ELAVL3: variants seen among roughly 807,000 people sequenced by gnomAD.
ELAVL3 encodes ELAV like RNA binding protein 3.
ELAVL3 carries 8 observed loss-of-function variants against 34.2 expected under a neutral mutation model. The observed-to-expected ratio is 0.23, with a 90% CI of 0.14 to 0.42. ELAVL3 has a LOEUF of 0.42. Ranked by LOEUF, ELAVL3 falls within the 10% of genes least tolerant of loss-of-function variation. The pLI, the probability that ELAVL3 is intolerant of heterozygous loss-of-function variation, is 1.00. For missense variants in ELAVL3, 273 were observed against 518.8 expected (o/e 0.53, Z 4.60); for synonymous variants, 209 against 222.1 (o/e 0.94, Z 0.53).
At position 11,458,989 on chromosome 19, in the gene ELAVL3, C is replaced by T. The variant is rs148842902; in HGVS notation, c.334-378G>A. ...TAAAGACAGGATCTCACTTTTTTAC[C>T]CAGGCTGGAATGCAATGGTGTGATC... On this transcript the variant is annotated intron_variant, in intron 3 of 6. Transcript: ENST00000359227. The surrounding 1 kb of genome is among the most constrained non-coding windows in gnomAD (Gnocchi z 7.3). Among the ~76,000 whole-genome samples, 86 of 151,910 alleles carry T rather than the reference C, an allele frequency of 5.7e-4. No homozygotes were observed. Among genetic ancestry groups the T allele is most frequent in the African/African-American group, 2.0e-3 (82 of 41,428 alleles).
intron 3 of ELAVL3, among the ~76,000 whole-genome samples, chr19:11,464,968 A>G (rs1971001297): frequency 8.2e-6 from 1 of 121,354 alleles, no homozygotes; most frequent in African/African-American, 3.3e-5. Context: ...CACGCACCAG[A>G]CACACACATA....
intron 3 of ELAVL3, among the ~76,000 whole-genome samples, chr19:11,460,615 T>G (rs941836584): frequency 6.6e-6 from 1 of 151,892 alleles, no homozygotes; most frequent in Non-Finnish European, 1.5e-5. Context: ...TGTCTCAGCC[T>G]CAGGGCCCTG....
In ELAVL3 at chr19:11,454,302, G is replaced by T. The variant is rs766524991; in HGVS notation, c.*224C>A. On this transcript the variant is annotated 3_prime_UTR_variant, in exon 7 of 7. Coordinates refer to ENST00000359227, the MANE Select transcript of ELAVL3 (RefSeq NM_001420.4). This position sits in a 1 kb window ranked among gnomAD's most constrained non-coding sequence, Gnocchi z 9.2. ...GTGAACAGCCCAGCCTGGGGTGGGG[G>T]CAGGAGGATGGGGCGGGGGATCCCC... The T allele has an allele frequency of 3.6e-6, 2 of 558,434 alleles. No homozygotes were observed. Among genetic ancestry groups the T allele is most frequent in the Non-Finnish European group, 6.4e-6 (2 of 314,456 alleles). The allele number at this position is 558,434 out of a possible 1,614,324, so 34.6% of individuals were successfully genotyped here. A position where few individuals can be genotyped will look rare whatever the true frequency, so the allele number is the denominator to read the frequency against.
intron 1 of ELAVL3, among the ~76,000 whole-genome samples, chr19:11,474,010 C>T (rs569546944): frequency 1.3e-5 from 2 of 152,240 alleles, no homozygotes; most frequent in African/African-American, 2.4e-5. Flanking sequence ...ATCCATCATC[C>T]GTACCTCATA....
At chr19:11,474,584 G>A (rs1171495280) in intron 1 of ELAVL3, among the ~76,000 whole-genome samples, 3 of 151,208 alleles carry the variant, frequency 2.0e-5, no homozygotes, top group African/African-American at 7.3e-5. Context: ...CTGGGTGACA[G>A]AGTGAGACTC....
chr19:11,457,331 G>A (rs1387162186), intron 5 of ELAVL3, among the ~76,000 whole-genome samples, 183 bp from the exon 6 acceptor site: 6 of 148,478 alleles, frequency 4.0e-5, no homozygotes, highest in South Asian at 2.3e-4. Context: ...CTCAGGCACC[G>A]CCTCTCGCCT....
chr19:11,455,580 C>G (rs1475252617), intron 6 of ELAVL3, among the ~76,000 whole-genome samples: 1 of 152,024 alleles, frequency 6.6e-6, no homozygotes, highest in Non-Finnish European at 1.5e-5. Flanking sequence ...AGCCACCGCA[C>G]CCAGCCATGC....
In ELAVL3 at chr19:11,466,342, G is replaced by A; in HGVS notation, c.230-67C>T. On this transcript the variant is annotated intron_variant, in intron 2 of 6. Coordinates refer to ENST00000359227, the MANE Select transcript of ELAVL3 (RefSeq NM_001420.4). The surrounding 1 kb of genome is among the most constrained non-coding windows in gnomAD (Gnocchi z 5.0). Reference sequence around the variant, plus strand: ...GACACCTGCCAGTGTCCCACCTCAGGCCTGAGAGACTGTCCCCTCCCCACC... The same window carrying A: ...GACACCTGCCAGTGTCCCACCTCAGACCTGAGAGACTGTCCCCTCCCCACC... 6.9e-7 allele frequency: 1 copy of A among 1,456,744 alleles called. No individual in the cohort carries two copies. The highest frequency in any genetic ancestry group is 2.3e-5 in the East Asian group (1 of 44,068). 90.2% of individuals were successfully genotyped at this position (1,456,744 alleles called of 1,614,324 possible). A position where few individuals can be genotyped will look rare whatever the true frequency, so the allele number is the denominator to read the frequency against.
Position 11,462,130 on chromosome 19 carries a change from G to A in ELAVL3, c.334-3519C>T, listed in dbSNP as rs371135275. 1.2e-4 allele frequency among the ~76,000 whole-genome samples: 17 copies of A among 142,592 alleles called. No homozygotes were observed. The East Asian group carries it at 1.2e-3, about 10-fold the overall frequency. 93.5% of individuals were successfully genotyped at this position (142,592 alleles called of 152,430 possible). A position where few individuals can be genotyped will look rare whatever the true frequency, so the allele number is the denominator to read the frequency against. Reference sequence around the variant, plus strand: ...GCGGAGCTTGCAGTGAGCCGAGATCGCGCCACTGCACTCCAGCCTGGGCAA... The same window carrying A: ...GCGGAGCTTGCAGTGAGCCGAGATCACGCCACTGCACTCCAGCCTGGGCAA... On this transcript the variant is annotated intron_variant, in intron 3 of 6. Transcript: ENST00000359227.
In ELAVL3 at chr19:11,480,312, C is replaced by G. The variant is rs1207361044; in HGVS notation, c.9+288G>C. On this transcript the variant is annotated intron_variant, in intron 1 of 6. Transcript: ENST00000359227. The surrounding 1 kb of genome is among the most constrained non-coding windows in gnomAD (Gnocchi z 6.8). ...ATCCTTAGCCGCCGCGGCCCCTCCC[C>G]CATCAGGCCTGCTGGAGAGGGGGCA... is the stretch of plus-strand genomic sequence containing the variant. The G allele has an allele frequency of 5.3e-6, 2 of 376,468 alleles. No individual in the cohort carries two copies. Among genetic ancestry groups the G allele is most frequent in the Non-Finnish European group, 9.5e-6 (2 of 211,438 alleles). The allele number at this position is 376,468 out of a possible 1,614,324, so 23.3% of individuals were successfully genotyped here.
At chr19:11,470,089 TCAAGCCTGTAATCC>T (rs1971133689) in intron 1 of ELAVL3, among the ~76,000 whole-genome samples, 1 of 152,056 alleles carries the variant, frequency 6.6e-6, no homozygotes, top group African/African-American at 2.4e-5. Flanking sequence ...GGGCAGTGGC[TCAAGCCTGTAATCC>T]CAGCAGTTTG....
rs62000391 is a variant in ELAVL3 at position 11,466,783 on chromosome 19, G to C, written c.54C>G (p.Ala18=). Residue 18 remains alanine (A), a synonymous_variant, in exon 2 of 7, where the codon GCC becomes GCG. Transcript: ENST00000359227. This position sits in a 1 kb window ranked among gnomAD's most constrained non-coding sequence, Gnocchi z 5.0. ...GTGGCCCGTTGGGCAGGGCCGGGCC[G>C]GCCGGGCCCCCCCCCACCTGAGACT... is the stretch of plus-strand genomic sequence containing the variant. ...AMESQVGGGP[A]GPALPNGPLL... 6.2e-7 allele frequency: 1 copy of C among 1,613,144 alleles called. No homozygotes were observed. The highest frequency in any genetic ancestry group is 1.3e-5 in the African/African-American group (1 of 74,892).
chr19:11,466,538 C>T lies in ELAVL3; in HGVS notation c.229+70G>A. The T allele has an allele frequency of 6.4e-7, 1 of 1,560,740 alleles. No homozygotes were observed. The highest frequency in any genetic ancestry group is 8.8e-7 in the Non-Finnish European group (1 of 1,138,802). On this transcript the variant is annotated intron_variant, in intron 2 of 6. Transcript: ENST00000359227. The surrounding 1 kb of genome is among the most constrained non-coding windows in gnomAD (Gnocchi z 5.0). ...CCGAGACACCTCAGCAAGGGTCCCA[C>T]CTGCCCCCATCACCTCTGTATTTCT...
At chr19:11,472,612 G>A (rs1268513293) in intron 1 of ELAVL3, among the ~76,000 whole-genome samples, 1 of 146,200 alleles carries the variant, frequency 6.8e-6, no homozygotes, top group Non-Finnish European at 1.5e-5. Flanking sequence ...GAGACAGGAG[G>A]ATCACTTGAG....
In ELAVL3 at chr19:11,480,712, C is replaced by T. The variant is rs1971361926; in HGVS notation, c.-104G>A. 8.6e-7 allele frequency: 1 copy of T among 1,168,778 alleles called. No individual in the cohort carries two copies. Among genetic ancestry groups the T allele is most frequent in the Non-Finnish European group, 1.1e-6 (1 of 884,488 alleles). 72.4% of individuals were successfully genotyped at this position (1,168,778 alleles called of 1,614,324 possible). ...CACGCTGGGGTCCCGCCCGGGCGGCCTCTGGTGCGGCCGCTGCAGATGTGG... is the reference window on the plus strand; with the variant it reads ...CACGCTGGGGTCCCGCCCGGGCGGCTTCTGGTGCGGCCGCTGCAGATGTGG... On this transcript the variant is annotated 5_prime_UTR_variant, in exon 1 of 7. Transcript: ENST00000359227. This position sits in a 1 kb window ranked among gnomAD's most constrained non-coding sequence, Gnocchi z 6.8.
intron 1 of ELAVL3, among the ~76,000 whole-genome samples, chr19:11,474,823 CTATTT>C (rs541637093): frequency 6.6e-5 from 10 of 152,098 alleles, no homozygotes; most frequent in African/African-American, 1.9e-4. Flanking sequence ...GGCAATACTG[CTATTT>C]TATTTTATTT....
intron 3 of ELAVL3, among the ~76,000 whole-genome samples, chr19:11,464,952 C>G (rs1360933004): frequency 8.3e-6 from 1 of 120,424 alleles, no homozygotes; most frequent in Non-Finnish European, 1.7e-5. Context: ...CCACACACAC[C>G]ACACACACGC....
At chr19:11,472,633 G>A (rs570222730) in intron 1 of ELAVL3, among the ~76,000 whole-genome samples, 2 of 152,072 alleles carry the variant, frequency 1.3e-5, no homozygotes, top group Non-Finnish European at 2.9e-5. Context: ...CCCAGGAGGT[G>A]GAGGTTGCAG....
Position 11,467,764 on chromosome 19 carries a change from G to A in ELAVL3, c.10-937C>T, listed in dbSNP as rs181648689. 7.3e-5 allele frequency among the ~76,000 whole-genome samples: 11 copies of A among 151,324 alleles called. No individual in the cohort carries two copies. The East Asian group carries it at 2.0e-3, about 27-fold the overall frequency. ...CTCCCAATGTGCTGGGATTACAGGCGTGAACCACCGCGTCTGGCCCCATTT... is the reference window on the plus strand; with the variant it reads ...CTCCCAATGTGCTGGGATTACAGGCATGAACCACCGCGTCTGGCCCCATTT... On this transcript the variant is annotated intron_variant, in intron 1 of 6. Coordinates refer to ENST00000359227, the MANE Select transcript of ELAVL3 (RefSeq NM_001420.4).
Sources: gnomAD v4.1 joint callset for allele counts (sites outside exome capture counted in the v4.1 genomes callset) on GRCh38, gnomAD v4.1.1 for gene constraint, Gnocchi (gnomAD v3.1) non-coding constraint, MANE v1.5 for transcripts, NCBI Gene and HGNC (gene_info 2026-07-23, HGNC 2026-07-21) for gene names.